YES1: variants seen among roughly 807,000 people sequenced by gnomAD.
The protein encoded by YES1 is YES proto-oncogene 1, Src family tyrosine kinase.
In YES1, 39 loss-of-function variants were observed where a neutral mutation model predicts 70.4. That is an observed-to-expected ratio of 0.55 (90% CI 0.43 to 0.72). YES1 has a LOEUF of 0.72. YES1 is among the 30% of genes least tolerant of loss of function. The pLI is 0.00. For missense variants in YES1, 495 were observed against 644.8 expected (o/e 0.77, Z 2.52); for synonymous variants, 198 against 218.6 (o/e 0.91, Z 0.83).
chr18:781,207 T>C (rs1905644037), intron 1 of YES1, among the ~76,000 whole-genome samples: 1 of 146,718 alleles, frequency 6.8e-6, no homozygotes, highest in Admixed American at 7.1e-5. Flanking sequence ...AGATGGAGGT[T>C]GCAGTGAGCC....
intron 2 of YES1, among the ~76,000 whole-genome samples, 190 bp from the exon 3 acceptor site, chr18:751,994 G>A (rs1321021389): frequency 1.3e-5 from 2 of 152,106 alleles, no homozygotes; most frequent in African/African-American, 4.8e-5. Flanking sequence ...TTTATGTTCT[G>A]GGACAATAAC....
At chr18:745,441 C>T (rs574820142) in intron 6 of YES1, among the ~76,000 whole-genome samples, 96 of 152,248 alleles carry the variant, frequency 6.3e-4, no homozygotes, top group Non-Finnish European at 1.2e-3. Context: ...TCATAAGGTA[C>T]ATGTGGTGAA....
intron 3 of YES1, among the ~76,000 whole-genome samples, chr18:749,554 T>C (rs1290158528): frequency 6.9e-6 from 1 of 145,784 alleles, no homozygotes; most frequent in Admixed American, 6.9e-5. Flanking sequence ...AATGCATACT[T>C]ATAAAAATGT....
intron 1 of YES1, among the ~76,000 whole-genome samples, chr18:764,522 A>G (rs1170455197): frequency 6.6e-6 from 1 of 151,482 alleles, no homozygotes; most frequent in Non-Finnish European, 1.5e-5. Context: ...GTGCCTGGCC[A>G]AAGTTTCTAG....
At chr18:778,267 C>G (rs1349977528) in intron 1 of YES1, among the ~76,000 whole-genome samples, 1 of 152,160 alleles carries the variant, frequency 6.6e-6, no homozygotes, top group Non-Finnish European at 1.5e-5. Flanking sequence ...TTCAGGGAAG[C>G]CTTGTGTATA....
chr18:800,452 T>C (rs1418085995), intron 1 of YES1, among the ~76,000 whole-genome samples: 1 of 152,222 alleles, frequency 6.6e-6, no homozygotes, highest in African/African-American at 2.4e-5. Flanking sequence ...AAAGACTTAA[T>C]AAACTGTTAG....
At chr18:769,674 T>C (rs913503252) in intron 1 of YES1, among the ~76,000 whole-genome samples, 2 of 152,232 alleles carry the variant, frequency 1.3e-5, no homozygotes, top group Non-Finnish European at 2.9e-5. Context: ...TAGATTATCA[T>C]ATAGGTTTTT....
In YES1 at chr18:726,781, CAAAAAAAAAAAAAAAAAA is replaced by C. The variant is rs58322434; in HGVS notation, c.1424-2167_1424-2150del. Among the ~76,000 whole-genome samples the C allele has an allele frequency of 3.2e-4, 15 of 47,258 alleles. No homozygotes were observed. In the East Asian group the frequency reaches 5.9e-3, roughly 19 times the overall value. 31.0% of individuals were successfully genotyped at this position (47,258 alleles called of 152,430 possible). A position where few individuals can be genotyped will look rare whatever the true frequency, so the allele number is the denominator to read the frequency against. On this transcript the variant is annotated intron_variant, in intron 11 of 11. Coordinates refer to ENST00000314574, the MANE Select transcript of YES1 (RefSeq NM_005433.4). The stretch of plus-strand genomic sequence containing the variant: ...GGGTGACAAAGCAAGACTCTTGTCT[CAAAAAAAAAAAAAAAAAA>C]AAAAAAAAAAAAAAAATTCACATGG...
intron 11 of YES1, among the ~76,000 whole-genome samples, chr18:726,404 G>A (rs2080019673): frequency 6.6e-6 from 1 of 151,824 alleles, no homozygotes; most frequent in South Asian, 2.1e-4. Flanking sequence ...CAGCCTGGGT[G>A]ACAGAGTGGG....
intron 1 of YES1, among the ~76,000 whole-genome samples, chr18:778,118 T>G (rs918383009): frequency 6.6e-6 from 1 of 152,232 alleles, no homozygotes; most frequent in Non-Finnish European, 1.5e-5. Context: ...GCATAATCTC[T>G]ACATTTTACA....
chr18:732,893 A>G lies in YES1; in HGVS notation c.1364T>C (p.Val455Ala). 1 of 1,614,210 alleles carries G rather than the reference A, an allele frequency of 6.2e-7. No individual in the cohort carries two copies. The highest frequency in any genetic ancestry group is 8.5e-7 in the Non-Finnish European group (1 of 1,180,048). The part of the protein sequence containing the change: ...LYGRFTIKSD[V>A]WSFGILQTEL... ...TGTTTGCAGAATTCCAAATGACCAG[A>G]CATCAGACTTTATTGTAAACCGACC... Residue 455 changes from valine (V) to alanine (A), a missense_variant, in exon 11 of 12, where the codon GTC (valine) becomes GCC (alanine). This residue lies in a region of YES1 where 385 missense variants were observed against 540.9 expected (regional missense o/e 0.71). Coordinates refer to ENST00000314574, the MANE Select transcript of YES1 (RefSeq NM_005433.4).
At chr18:801,882 T>C (rs1042099199) in intron 1 of YES1, among the ~76,000 whole-genome samples, 2 of 152,226 alleles carry the variant, frequency 1.3e-5, no homozygotes, top group Non-Finnish European at 2.9e-5. Flanking sequence ...GCTCTGTTAA[T>C]CTGGCGGAAC....
At position 812,121 on chromosome 18, in the gene YES1, C is replaced by T. The variant is rs896517051; in HGVS notation, c.-16G>A. The stretch of plus-strand genomic sequence containing the variant: ...GCCCCACCGGGTCCTTACCTGTCCT[C>T]CGGCCGCGCTCTCATGAGTCGCTGC... On this transcript the variant is annotated 5_prime_UTR_variant, in exon 1 of 12. Transcript: ENST00000314574. 1 of 152,958 alleles carries T rather than the reference C, an allele frequency of 6.5e-6. No individual in the cohort carries two copies. Among genetic ancestry groups the T allele is most frequent in the African/African-American group, 2.4e-5 (1 of 41,418 alleles). The allele number at this position is 152,958 out of a possible 1,614,324, so 9.5% of individuals were successfully genotyped here.
chr18:792,561 G>A (rs1048763689), intron 1 of YES1, among the ~76,000 whole-genome samples: 2 of 102,574 alleles, frequency 1.9e-5, no homozygotes, highest in Non-Finnish European at 4.0e-5. Context: ...CTCTCCCTCT[G>A]TATATGTGTG....
chr18:724,723 G>T, intron 11 of YES1, 91 bp from the exon 12 acceptor site: 1 of 964,880 alleles, frequency 1.0e-6, no homozygotes, highest in Non-Finnish European at 1.6e-6. Context: ...CTCATTCAAA[G>T]TATATTATTT....
intron 2 of YES1, among the ~76,000 whole-genome samples, chr18:756,037 CTACT>C (rs2080402135): frequency 6.6e-6 from 1 of 152,164 alleles, no homozygotes; most frequent in African/African-American, 2.4e-5. Context: ...CTGAGCTCTC[CTACT>C]TACTATCTGT....
At chr18:727,021 CAAAG>C (rs1280228167) in intron 11 of YES1, among the ~76,000 whole-genome samples, 4 of 152,122 alleles carry the variant, frequency 2.6e-5, no homozygotes, top group African/African-American at 9.6e-5. Flanking sequence ...TTAAAATCGT[CAAAG>C]AAAGACAATG....
chr18:748,671 C>T (rs2080308067), intron 3 of YES1, among the ~76,000 whole-genome samples: 1 of 152,096 alleles, frequency 6.6e-6, no homozygotes, highest in Non-Finnish European at 1.5e-5. Context: ...ACTTCTTTTA[C>T]TTGGCATAAT....
chr18:799,015 A>C (rs940025048), intron 1 of YES1, among the ~76,000 whole-genome samples: 2 of 152,216 alleles, frequency 1.3e-5, no homozygotes, highest in Non-Finnish European at 2.9e-5. Context: ...TATAAAATTA[A>C]ATTAGTCAGA....
Sources: gnomAD v4.1 joint callset for allele counts (sites outside exome capture counted in the v4.1 genomes callset) on GRCh38, gnomAD v4.1.1 for gene constraint, gnomAD v4.1.1 regional missense constraint, MANE v1.5 for transcripts, NCBI Gene and HGNC (gene_info 2026-07-23, HGNC 2026-07-21) for gene names.